Variants in QTGAL observed in about 807,000 individuals in gnomAD.
QTGAL encodes queuosine-tRNA galactosyltransferase, also known as BGnT-like protein 1.
At chr17:83,014,436 A>C in the QTGAL span, 2 of 1,612,302 alleles carry the variant, frequency 1.2e-6, no homozygotes, top group Non-Finnish European at 1.7e-6. Flanking sequence ...TAACGACACT[A>C]AGGAGGCCAG....
At chr17:82,942,727 C>G in the QTGAL span, 1 of 583,630 alleles carries the variant, frequency 1.7e-6, no homozygotes, top group Non-Finnish European at 3.1e-6. Flanking sequence ...TGTCTCTGAG[C>G]CTGATGTGTG....
the QTGAL span, among the ~76,000 whole-genome samples, chr17:82,972,075 A>AC: frequency 1.1e-3 from 43 of 37,944 alleles, no homozygotes; most frequent in Non-Finnish European, 1.7e-3. Flanking sequence ...CCTGGTGCCG[A>AC]CACACCACAC....
the QTGAL span, chr17:82,965,880 CAA>C: frequency 1.1e-6 from 1 of 913,100 alleles, no homozygotes; most frequent in Middle Eastern, 2.2e-4. Context: ...GTCAGGGCCT[CAA>C]GAGACTTCAC....
At chr17:82,956,965 G>A in the QTGAL span, 26 of 941,704 alleles carry the variant, frequency 2.8e-5, no homozygotes, top group Non-Finnish European at 3.8e-5. This position sits in a 1 kb window ranked among gnomAD's most constrained non-coding sequence, Gnocchi z 5.7. Flanking sequence ...CCTGACACCC[G>A]ACTGCAGAAC....
the QTGAL span, among the ~76,000 whole-genome samples, chr17:82,971,662 G>T: frequency 2.2e-4 from 18 of 81,316 alleles, 1 homozygote; most frequent in South Asian, 5.6e-4. Flanking sequence ...CCACACCACA[G>T]GGGCCAGAAG....
At chr17:82,989,279 A>C in the QTGAL span, among the ~76,000 whole-genome samples, 1 of 152,024 alleles carries the variant, frequency 6.6e-6, no homozygotes, top group African/African-American at 2.4e-5. Flanking sequence ...CTCACTCATA[A>C]GTGGGAGCTG....
chr17:82,947,201 G>GC, the QTGAL span: 39 of 518,228 alleles, frequency 7.5e-5, no homozygotes, highest in Middle Eastern at 5.0e-4. Context: ...CAGAGGGGAG[G>GC]CCCCCCCTGC....
At chr17:82,959,860 A>G in the QTGAL span, among the ~76,000 whole-genome samples, 1 of 151,966 alleles carries the variant, frequency 6.6e-6, no homozygotes, top group Non-Finnish European at 1.5e-5. Flanking sequence ...TGATGTCTGT[A>G]TTTGGTTCAT....
the QTGAL span, among the ~76,000 whole-genome samples, chr17:82,991,340 G>A: frequency 6.6e-6 from 1 of 152,178 alleles, no homozygotes; most frequent in Non-Finnish European, 1.5e-5. Context: ...ACTGAATCAT[G>A]AGGGCAGTTT....
the QTGAL span, among the ~76,000 whole-genome samples, chr17:83,027,558 C>T: frequency 1.8e-4 from 27 of 151,958 alleles, no homozygotes; most frequent in African/African-American, 4.3e-4. Context: ...GAAGAGGGGC[C>T]GGGCACGGTG....
At chr17:82,965,677 C>G in the QTGAL span, 3 of 1,611,518 alleles carry the variant, frequency 1.9e-6, no homozygotes, top group South Asian at 1.1e-5. Context: ...AAGGGGCCCA[C>G]GTGGGAGAAC....
the QTGAL span, among the ~76,000 whole-genome samples, chr17:82,995,434 G>A: frequency 6.6e-6 from 1 of 150,694 alleles, no homozygotes; most frequent in Non-Finnish European, 1.5e-5. Flanking sequence ...CCAGGCTGGA[G>A]TGCAGTGGCA....
At chr17:83,033,475 CTTT>C in the QTGAL span, among the ~76,000 whole-genome samples, 1 of 145,464 alleles carries the variant, frequency 6.9e-6, no homozygotes. Context: ...AAGTTATATG[CTTT>C]TTTTTTTTTT....
the QTGAL span, chr17:82,947,295 T>C: frequency 2.6e-6 from 1 of 390,274 alleles, no homozygotes; most frequent in Non-Finnish European, 4.7e-6. Context: ...GCAATGCCTC[T>C]GCTGTTTGAC....
chr17:83,021,182 C>G, the QTGAL span, among the ~76,000 whole-genome samples: 1 of 152,158 alleles, frequency 6.6e-6, no homozygotes, highest in African/African-American at 2.4e-5. Flanking sequence ...TTGCTAGAAG[C>G]ACTTCTGTTC....
the QTGAL span, chr17:82,965,866 C>T: frequency 9.5e-7 from 1 of 1,052,702 alleles, no homozygotes; most frequent in African/African-American, 1.6e-5. Flanking sequence ...CCCTTCTCCA[C>T]AGGGTCAGGG....
At chr17:82,986,928 T>C in the QTGAL span, among the ~76,000 whole-genome samples, 1 of 152,220 alleles carries the variant, frequency 6.6e-6, no homozygotes, top group Admixed American at 6.5e-5. Flanking sequence ...GGTGTGCAGC[T>C]GGCTGCCCCC....
chr17:82,957,189 C>T, the QTGAL span: 1 of 1,614,200 alleles, frequency 6.2e-7, no homozygotes, highest in East Asian at 2.2e-5. Context: ...ACCTGAGAGT[C>T]CTCGTGGCAA....
the QTGAL span, among the ~76,000 whole-genome samples, chr17:83,013,199 C>T: frequency 0.017 from 2,526 of 152,186 alleles, 73 homozygotes; most frequent in African/African-American, 0.057. Context: ...CCTGCAGCCA[C>T]GCTGGGGCCA....
Sources: allele counts gnomAD v4.1 joint callset (sites outside exome capture counted in the v4.1 genomes callset), GRCh38; gene constraint gnomAD v4.1.1; non-coding constraint Gnocchi (gnomAD v3.1); transcripts MANE v1.5; gene names NCBI Gene and HGNC (gene_info 2026-07-23, HGNC 2026-07-21).